Variants in SDSL observed in about 807,000 individuals in gnomAD.
The protein encoded by SDSL is serine dehydratase-like.
SDSL carries 26 observed loss-of-function variants against 27.6 expected under a neutral mutation model. The observed-to-expected ratio is 0.94, with a 90% CI of 0.69 to 1.31. SDSL has a LOEUF of 1.31. SDSL is among the 50% of genes most tolerant of loss of function. The probability of loss-of-function intolerance (pLI) is 0.00; values close to 1 mark genes in which losing one functional copy is unlikely to be tolerated. For missense variants in SDSL, 431 were observed against 423.5 expected (o/e 1.02, Z -0.16); for synonymous variants, 196 against 180.6 (o/e 1.09, Z -0.69).
At position 113,427,842 on chromosome 12, in the gene SDSL, G is replaced by A. The variant is rs1957867585; in HGVS notation, c.-21-120G>A. The A allele has an allele frequency of 7.4e-6, 6 of 810,940 alleles. No individual in the cohort carries two copies. The South Asian group carries it at 9.1e-5, about 12-fold the overall frequency. 50.2% of individuals were successfully genotyped at this position (810,940 alleles called of 1,614,324 possible). The stretch of plus-strand genomic sequence containing the variant: ...TACTTGATGGGGGTCTCACAGCTCA[G>A]CAGCTGGATGAAGTGAAGGGCACCT... On this transcript the variant is annotated intron_variant, in intron 1 of 7. Transcript: ENST00000403593.
intron 5 of SDSL, 91 bp from the exon 6 acceptor site, chr12:113,435,238 A>C: frequency 1.2e-6 from 1 of 835,400 alleles, no homozygotes; most frequent in South Asian, 1.9e-5. Context: ...GGGGGCAGAG[A>C]ACCCACCCCT....
intron 5 of SDSL, 27 bp from the exon 6 acceptor site, chr12:113,435,302 C>T (rs1957974211): frequency 2.7e-6 from 4 of 1,460,698 alleles, no homozygotes; most frequent in Non-Finnish European, 3.6e-6. Flanking sequence ...CCTCACTCTG[C>T]TTCTCCCTCT....
chr12:113,434,109 C>G (rs1309583945), intron 4 of SDSL, 25 bp from the exon 5 acceptor site: 4 of 1,604,672 alleles, frequency 2.5e-6, no homozygotes, highest in Non-Finnish European at 3.4e-6. Flanking sequence ...CCCGGCTGTT[C>G]TGAGGGCCCT....
At chr12:113,433,038 G>A (rs1001533795) in intron 4 of SDSL, among the ~76,000 whole-genome samples, 4 of 152,172 alleles carry the variant, frequency 2.6e-5, no homozygotes, top group African/African-American at 9.7e-5. Flanking sequence ...ACTCAGTAAT[G>A]GGATTGCTGG....
chr12:113,437,310 C>G (rs914011316), intron 7 of SDSL, among the ~76,000 whole-genome samples: 8 of 152,216 alleles, frequency 5.3e-5, no homozygotes, highest in Non-Finnish European at 1.2e-4. Context: ...GTCTTAGTCC[C>G]TGACGTGTCC....
chr12:113,432,444 C>T (rs559549789), intron 4 of SDSL, among the ~76,000 whole-genome samples: 1 of 152,022 alleles, frequency 6.6e-6, no homozygotes, highest in Non-Finnish European at 1.5e-5. Context: ...CGGGTTCAAG[C>T]GATTCCGCTG....
intron 1 of SDSL, among the ~76,000 whole-genome samples, chr12:113,423,671 C>A (rs1469665058): frequency 6.6e-6 from 1 of 152,084 alleles, no homozygotes; most frequent in Non-Finnish European, 1.5e-5. Flanking sequence ...GAGCCCGGGA[C>A]TTCAAGGTTA....
intron 4 of SDSL, among the ~76,000 whole-genome samples, chr12:113,432,260 C>T (rs553240950): frequency 1.5e-4 from 20 of 137,584 alleles, no homozygotes; most frequent in African/African-American, 5.6e-4. Context: ...TTCTTTCTTT[C>T]TTTCTTTCTT....
chr12:113,432,215 TC>T (rs1957931251), intron 4 of SDSL, among the ~76,000 whole-genome samples: 6 of 1,744 alleles, frequency 3.4e-3, no homozygotes, highest in Non-Finnish European at 5.6e-3. Flanking sequence ...TTTGCTTCTT[TC>T]TTTCTTTCTT....
At chr12:113,431,160 A>G (rs372104914) in intron 4 of SDSL, among the ~76,000 whole-genome samples, 2 of 152,352 alleles carry the variant, frequency 1.3e-5, no homozygotes, top group East Asian at 3.9e-4. Context: ...GGCGTGGATG[A>G]GCACGGTGCA....
At chr12:113,437,864 C>T in intron 7 of SDSL, 22 bp from the exon 8 acceptor site, 2 of 1,571,194 alleles carry the variant, frequency 1.3e-6, no homozygotes, top group Non-Finnish European at 1.7e-6. Context: ...TCCTTCCTCT[C>T]TCCATCCCCC....
At chr12:113,426,177 A>G (rs1287560339) in intron 1 of SDSL, 1 of 454,310 alleles carries the variant, frequency 2.2e-6, no homozygotes, top group Non-Finnish European at 4.4e-6. Flanking sequence ...TTCTGTCTGC[A>G]TCCGCGGCAC....
chr12:113,431,322 G>C (rs1471822763), intron 4 of SDSL, among the ~76,000 whole-genome samples: 2 of 152,202 alleles, frequency 1.3e-5, no homozygotes, highest in African/African-American at 4.8e-5. Context: ...GAGCAGGGGA[G>C]GGACCTGGTT....
chr12:113,434,298 G>T (rs1957965160), intron 5 of SDSL, 76 bp downstream of exon 5: 12 of 1,182,442 alleles, frequency 1.0e-5, no homozygotes, highest in Non-Finnish European at 1.4e-5. Context: ...CCATTGGGCA[G>T]AAGGAGAAAC....
chr12:113,428,484 T>C (rs1416953606), intron 3 of SDSL, 25 bp downstream of exon 3: 1 of 1,606,342 alleles, frequency 6.2e-7, no homozygotes, highest in South Asian at 1.1e-5. Context: ...TTTTGTTTCA[T>C]GGGCAGAGGT....
intron 2 of SDSL, 81 bp from the exon 3 acceptor site, chr12:113,428,339 G>C (rs747615464): frequency 1.9e-4 from 280 of 1,442,192 alleles, no homozygotes; most frequent in Middle Eastern, 9.2e-4. Flanking sequence ...GAGTGGGATG[G>C]GGAGACTCTA....
intron 5 of SDSL, among the ~76,000 whole-genome samples, chr12:113,434,639 A>G (rs11831330): frequency 0.07 from 10,595 of 152,244 alleles, 1,123 homozygotes; most frequent in African/African-American, 0.23. Context: ...AGCTAAGTAC[A>G]TGGCAGATAC....
intron 2 of SDSL, 67 bp from the exon 3 acceptor site, chr12:113,428,353 C>T (rs1957876719): frequency 6.6e-7 from 1 of 1,520,816 alleles, no homozygotes. Flanking sequence ...GACTCTAACG[C>T]CATTCCACAT....
chr12:113,436,676 G>T lies in SDSL; in HGVS notation c.672-75G>T, dbSNP rs1256004365. On this transcript the variant is annotated intron_variant, in intron 6 of 7. Coordinates refer to ENST00000403593, the MANE Select transcript of SDSL (RefSeq NM_001304993.2). ...GGCAGGATGGGAGGGGGTGGCTGGG[G>T]CTGGGGAGAGACCTGTTTCACCAGC... 12 of 1,423,162 alleles carry T rather than the reference G, an allele frequency of 8.4e-6. No individual in the cohort carries two copies. In the African/African-American group the frequency reaches 1.6e-4, roughly 19 times the overall value. 88.2% of individuals were successfully genotyped at this position (1,423,162 alleles called of 1,614,324 possible).
Sources: gnomAD v4.1 joint callset for allele counts (sites outside exome capture counted in the v4.1 genomes callset) on GRCh38, gnomAD v4.1.1 for gene constraint, MANE v1.5 for transcripts, NCBI Gene and HGNC (gene_info 2026-07-23, HGNC 2026-07-21) for gene names.